POFUT3: variants seen among roughly 807,000 people sequenced by gnomAD.
POFUT3 encodes the protein protein O-fucosyltransferase 3.
At chr8:33,355,540 A>C in the POFUT3 span, among the ~76,000 whole-genome samples, 1 of 152,174 alleles carries the variant, frequency 6.6e-6, no homozygotes, top group Non-Finnish European at 1.5e-5. Context: ...ACCATCATGC[A>C]TTACCATAAA....
the POFUT3 span, among the ~76,000 whole-genome samples, chr8:33,364,375 C>T: frequency 6.6e-6 from 1 of 152,136 alleles, no homozygotes; most frequent in African/African-American, 2.4e-5. Flanking sequence ...ACAAGGATGC[C>T]CTCTCTCACC....
chr8:33,387,146 T>C, the POFUT3 span, among the ~76,000 whole-genome samples: 2 of 152,102 alleles, frequency 1.3e-5, no homozygotes, highest in Non-Finnish European at 2.9e-5. Context: ...TATGGCCCTA[T>C]AAATTAGATC....
the POFUT3 span, among the ~76,000 whole-genome samples, chr8:33,338,504 T>C: frequency 4.6e-5 from 7 of 152,196 alleles, no homozygotes; most frequent in East Asian, 3.8e-4. Context: ...ACAGTGTCAA[T>C]GGAGACCACA....
At chr8:33,419,660 A>T in the POFUT3 span, among the ~76,000 whole-genome samples, 3 of 152,190 alleles carry the variant, frequency 2.0e-5, no homozygotes, top group Non-Finnish European at 4.4e-5. Context: ...CATGTAACAA[A>T]ATATTACAGG....
the POFUT3 span, among the ~76,000 whole-genome samples, chr8:33,419,288 A>T: frequency 6.6e-6 from 1 of 152,208 alleles, no homozygotes; most frequent in East Asian, 1.9e-4. Context: ...GCAGTCTCCA[A>T]CCCTTTTGGC....
At chr8:33,380,137 CTA>C in the POFUT3 span, among the ~76,000 whole-genome samples, 5 of 56,468 alleles carry the variant, frequency 8.9e-5, no homozygotes, top group African/African-American at 2.9e-4. Context: ...TATATATATA[CTA>C]TATATATACA....
the POFUT3 span, among the ~76,000 whole-genome samples, chr8:33,408,437 A>T: frequency 6.6e-6 from 1 of 152,116 alleles, no homozygotes; most frequent in East Asian, 1.9e-4. Context: ...GAAAAATCTC[A>T]TATCAAGGAA....
the POFUT3 span, among the ~76,000 whole-genome samples, chr8:33,390,927 T>G: frequency 6.6e-6 from 1 of 152,172 alleles, no homozygotes; most frequent in Non-Finnish European, 1.5e-5. Context: ...GGAGAACTTA[T>G]TTCAATAACT....
the POFUT3 span, among the ~76,000 whole-genome samples, chr8:33,332,499 AAAGAAG>A: frequency 2.8e-4 from 41 of 146,386 alleles, no homozygotes; most frequent in African/African-American, 9.9e-4. Context: ...AAAAAAAAAA[AAAGAAG>A]AAGAAGAAGA....
At chr8:33,319,219 A>AT in the POFUT3 span, among the ~76,000 whole-genome samples, 1 of 28,300 alleles carries the variant, frequency 3.5e-5, no homozygotes, top group African/African-American at 2.3e-4. Context: ...ATATAAATAT[A>AT]TTTATATATT....
the POFUT3 span, among the ~76,000 whole-genome samples, chr8:33,377,819 C>T: frequency 3.9e-3 from 588 of 152,292 alleles, 1 homozygote; most frequent in Middle Eastern, 0.014. Context: ...TGGTTCCTAG[C>T]AATGAGAAAA....
At chr8:33,462,612 T>C in the POFUT3 span, among the ~76,000 whole-genome samples, 1 of 152,194 alleles carries the variant, frequency 6.6e-6, no homozygotes, top group Non-Finnish European at 1.5e-5. Flanking sequence ...AAATGAATGA[T>C]CTTTTCAAAA....
At chr8:33,459,367 G>A in the POFUT3 span, among the ~76,000 whole-genome samples, 5 of 151,826 alleles carry the variant, frequency 3.3e-5, no homozygotes, top group African/African-American at 7.3e-5. Context: ...GAAGCCAGGC[G>A]CAGTGGCTCA....
At chr8:33,395,034 C>T in the POFUT3 span, among the ~76,000 whole-genome samples, 1 of 152,180 alleles carries the variant, frequency 6.6e-6, no homozygotes, top group African/African-American at 2.4e-5. Context: ...TGAAACTCTG[C>T]AAACTTCATT....
chr8:33,340,354 A>C, the POFUT3 span, among the ~76,000 whole-genome samples: 1 of 152,008 alleles, frequency 6.6e-6, no homozygotes, highest in East Asian at 1.9e-4. Context: ...ATAGTGGGGG[A>C]ATAAAGTCTA....
the POFUT3 span, among the ~76,000 whole-genome samples, chr8:33,423,176 A>G: frequency 6.6e-6 from 1 of 152,072 alleles, no homozygotes; most frequent in African/African-American, 2.4e-5. Flanking sequence ...CAGAGATCCT[A>G]TTCCCTACAC....
chr8:33,431,301 C>A, the POFUT3 span, among the ~76,000 whole-genome samples: 8 of 151,764 alleles, frequency 5.3e-5, no homozygotes, highest in Non-Finnish European at 1.2e-4. Context: ...AATCCCAGCA[C>A]TTTGGGGAGC....
the POFUT3 span, among the ~76,000 whole-genome samples, chr8:33,356,721 G>C: frequency 1.3e-5 from 2 of 151,744 alleles, no homozygotes; most frequent in Non-Finnish European, 3.0e-5. Flanking sequence ...ATTGCTTTTG[G>C]TGTTTTAGAC....
At chr8:33,413,348 G>T in the POFUT3 span, among the ~76,000 whole-genome samples, 2 of 151,826 alleles carry the variant, frequency 1.3e-5, no homozygotes, top group African/African-American at 4.8e-5. Context: ...TCACTTGCTT[G>T]CTCACTCACT....
Sources: allele counts gnomAD v4.1 joint callset (sites outside exome capture counted in the v4.1 genomes callset), GRCh38; gene constraint gnomAD v4.1.1; transcripts MANE v1.5; gene names NCBI Gene and HGNC (gene_info 2026-07-23, HGNC 2026-07-21).